Variants in PITPNM3 observed in about 807,000 individuals in gnomAD.
PITPNM3 encodes membrane-associated phosphatidylinositol transfer protein 3.
PITPNM3 carries 26 observed loss-of-function variants against 102.0 expected under a neutral mutation model. The ratio of observed to expected loss-of-function variants is 0.25; its 90% confidence interval spans 0.19 to 0.35. PITPNM3 has a LOEUF of 0.35. PITPNM3 is among the 10% of genes least tolerant of loss of function. PITPNM3 has a pLI of 1.00. For missense variants in PITPNM3, 1,083 were observed against 1,346.1 expected (o/e 0.80, Z 3.06); for synonymous variants, 578 against 558.6 (o/e 1.03, Z -0.49).
intron 3 of PITPNM3, among the ~76,000 whole-genome samples, chr17:6,518,713 A>AGC (rs2150632468): frequency 6.6e-6 from 1 of 152,356 alleles, no homozygotes; most frequent in African/African-American, 2.4e-5. Context: ...GAAATAGGTA[A>AGC]GCCTTTGGCA....
intron 10 of PITPNM3, among the ~76,000 whole-genome samples, chr17:6,473,922 A>G (rs1373259319): frequency 3.5e-5 from 5 of 144,680 alleles, no homozygotes; most frequent in Non-Finnish European, 7.4e-5. Context: ...GGTTGCAGTG[A>G]GCTGAGATCG....
Position 6,470,708 on chromosome 17 carries a change from G to T in PITPNM3, c.1625-300C>A, listed in dbSNP as rs577271637. Among the ~76,000 whole-genome samples the T allele has an allele frequency of 6.6e-6, 1 of 152,262 alleles. No individual in the cohort carries two copies. Among genetic ancestry groups the T allele is most frequent in the Admixed American group, 6.5e-5 (1 of 15,302 alleles). ...CGCCGCTCAGTGGCAGTTCCCAGTG[G>T]GCTCTGCCTGAAGTTGGCGCTGAGT... On this transcript the variant is annotated intron_variant, in intron 12 of 19. Coordinates refer to ENST00000262483, the MANE Select transcript of PITPNM3 (RefSeq NM_031220.4). This position sits in a 1 kb window ranked among gnomAD's most constrained non-coding sequence, Gnocchi z 4.8.
chr17:6,491,398 T>C (rs1373304394), intron 4 of PITPNM3, among the ~76,000 whole-genome samples: 1 of 152,080 alleles, frequency 6.6e-6, no homozygotes, highest in Non-Finnish European at 1.5e-5. Flanking sequence ...CAGTAGCAGA[T>C]GCGGATGGAA....
intron 3 of PITPNM3, among the ~76,000 whole-genome samples, chr17:6,505,713 A>G (rs1313550157): frequency 6.6e-6 from 1 of 152,214 alleles, no homozygotes; most frequent in Non-Finnish European, 1.5e-5. Context: ...AGAAATTAAG[A>G]CATAAGACAT....
rs777324054 is a variant in PITPNM3, at chr17:6,484,290, C to G, written c.277G>C (p.Glu93Gln). The G allele has an allele frequency of 6.2e-7, 1 of 1,604,272 alleles. No homozygotes were observed. Among genetic ancestry groups the G allele is most frequent in the Non-Finnish European group, 8.5e-7 (1 of 1,171,152 alleles). ...CTTCTCAAGGAAACCCGGTACAGTT[C>G]TCCTGCAGAGGGAAAGAGGGGAGCT... Reference protein sequence around the residue: ...TSSILQEKQRELYRVSLRRQR... With the variant: ...TSSILQEKQRQLYRVSLRRQR... The change falls in exon 5 of 20, where the codon GAA (glutamate) becomes CAA (glutamine). Residue 93 changes from glutamate to glutamine, a missense_variant and splice_region_variant. Physicochemically the swap from Glu to Gln is conservative, Grantham distance 29. Coordinates refer to ENST00000262483, the MANE Select transcript of PITPNM3 (RefSeq NM_031220.4).
chr17:6,465,889 C>G (rs559367570), intron 14 of PITPNM3, among the ~76,000 whole-genome samples: 21 of 152,326 alleles, frequency 1.4e-4, no homozygotes, highest in Middle Eastern at 3.4e-3. Context: ...ACAGCCACAT[C>G]GCCTGGATGC....
chr17:6,467,076 AAAAC>A (rs1218689166), intron 14 of PITPNM3, among the ~76,000 whole-genome samples: 6 of 41,418 alleles, frequency 1.4e-4, no homozygotes, highest in African/African-American at 4.7e-4. Context: ...ACAAAAAAAA[AAAAC>A]CAAAAAAAAA....
intron 3 of PITPNM3, among the ~76,000 whole-genome samples, chr17:6,520,715 A>G (rs1042982902): frequency 6.6e-6 from 1 of 152,246 alleles, no homozygotes; most frequent in Non-Finnish European, 1.5e-5. Flanking sequence ...CATGGTAGCT[A>G]AAACGTGGAA....
chr17:6,471,308 G>C lies in PITPNM3; in HGVS notation c.1477C>G (p.Arg493Gly), dbSNP rs147943969. The change falls in exon 12 of 20, where the codon CGG (arginine) becomes GGG (glycine). Residue 493 changes from arginine (R) to glycine (G), a missense_variant. Arg to Gly is a moderately radical substitution (Grantham distance 125). Around this residue, in one of 5 missense-constraint regions of PITPNM3, gnomAD observed 410 missense variants for 638.4 expected, o/e 0.64. Transcript: ENST00000262483. ...GCATCCAGAAGTGGCGGGCTGTCCC[G>C]GGAGCTGCCCTCCAGGAAGAGGGGG... ...HSPLFLEGSS[R>G]DSPPLLDAPA... The C allele has an allele frequency of 1.2e-6, 2 of 1,609,924 alleles. No individual in the cohort carries two copies. The highest frequency in any genetic ancestry group is 1.1e-5 in the South Asian group (1 of 90,674).
At chr17:6,494,786 A>C (rs1176799877) in intron 4 of PITPNM3, among the ~76,000 whole-genome samples, 1 of 152,236 alleles carries the variant, frequency 6.6e-6, no homozygotes, top group Non-Finnish European at 1.5e-5. Flanking sequence ...TTGACCCAGC[A>C]ATTCCAAGCC....
In PITPNM3 at chr17:6,457,496, G is replaced by T; in HGVS notation, c.2619+98C>A. 6.4e-7 allele frequency: 1 copy of T among 1,567,528 alleles called. No individual in the cohort carries two copies. ...TAAATGAATGAGCAAATGGGGGAATGAACAAATGAATGAATGAATGAATGA... is the reference window on the plus strand; with the variant it reads ...TAAATGAATGAGCAAATGGGGGAATTAACAAATGAATGAATGAATGAATGA... On this transcript the variant is annotated intron_variant, in intron 19 of 19. Coordinates refer to ENST00000262483, the MANE Select transcript of PITPNM3 (RefSeq NM_031220.4). This position sits in a 1 kb window ranked among gnomAD's most constrained non-coding sequence, Gnocchi z 4.7.
intron 14 of PITPNM3, among the ~76,000 whole-genome samples, chr17:6,465,533 T>TAGAGAGAGAGAAGAGTGTA (rs1309211732): frequency 6.6e-6 from 1 of 152,104 alleles, no homozygotes; most frequent in Non-Finnish European, 1.5e-5. Flanking sequence ...TGCACAAGCA[T>TAGAGAGAGAGAAGAGTGTA]AGAGAGAGAG....
At position 6,474,526 on chromosome 17, in the gene PITPNM3, G is replaced by T; in HGVS notation, c.1164C>A (p.Gly388=). 6.2e-7 allele frequency: 1 copy of T among 1,611,788 alleles called. No homozygotes were observed. Among genetic ancestry groups the T allele is most frequent in the Non-Finnish European group, 8.5e-7 (1 of 1,179,240 alleles). Residue 388 remains glycine, a synonymous_variant, in exon 10 of 20, where the codon GGC becomes GGA. Transcript: ENST00000262483. ...AGTCGGACACATCGAAGTCAAAGCG[G>T]CCCAGGCTGACCTCAGGGAGCTGCG... ...GGPQLPEVSL[G]RFDFDVSDFF...
chr17:6,462,911 C>A (rs1388366344), intron 17 of PITPNM3, among the ~76,000 whole-genome samples: 5 of 152,042 alleles, frequency 3.3e-5, no homozygotes, highest in African/African-American at 9.7e-5. Context: ...CACCCTGGAG[C>A]CCATGGAAGG....
At chr17:6,532,374 G>T (rs555524832) in intron 2 of PITPNM3, among the ~76,000 whole-genome samples, 3 of 152,154 alleles carry the variant, frequency 2.0e-5, no homozygotes, top group Admixed American at 1.3e-4. Context: ...CCTTTAAAGC[G>T]CACAGCTGGG....
intron 3 of PITPNM3, among the ~76,000 whole-genome samples, chr17:6,515,376 C>A (rs931038679): frequency 4.3e-5 from 5 of 117,046 alleles, no homozygotes; most frequent in Admixed American, 1.1e-4. Context: ...CCAGCCCGGG[C>A]AACAGAGTGA....
At chr17:6,461,645 G>T in intron 17 of PITPNM3, 89 bp from the exon 18 acceptor site, 1 of 1,439,498 alleles carries the variant, frequency 6.9e-7, no homozygotes, top group Non-Finnish European at 9.8e-7. Flanking sequence ...CTGCCCTCCT[G>T]AGACGTCAGA....
At chr17:6,488,373 GA>G (rs1403668646) in intron 4 of PITPNM3, among the ~76,000 whole-genome samples, 1 of 152,010 alleles carries the variant, frequency 6.6e-6, no homozygotes. Context: ...ATCACCTCTA[GA>G]AAGCCGTCTT....
At chr17:6,491,150 C>G (rs1225431778) in intron 4 of PITPNM3, among the ~76,000 whole-genome samples, 1 of 148,684 alleles carries the variant, frequency 6.7e-6, no homozygotes, top group African/African-American at 2.5e-5. Context: ...GCTCCCAGAG[C>G]TCTGATAGGT....
Sources: gnomAD v4.1 joint callset for allele counts (sites outside exome capture counted in the v4.1 genomes callset) on GRCh38, gnomAD v4.1.1 for gene constraint, gnomAD v4.1.1 regional missense constraint, Gnocchi (gnomAD v3.1) non-coding constraint, MANE v1.5 for transcripts, NCBI Gene and HGNC (gene_info 2026-07-23, HGNC 2026-07-21) for gene names.